FAM89A: variants seen among roughly 807,000 people sequenced by gnomAD.
The protein encoded by FAM89A is protein FAM89A.
Under a neutral mutation model 7.1 loss-of-function variants are expected in FAM89A, and 10 were observed. The observed-to-expected ratio is 1.40, with a 90% CI of 0.86 to 2.38. The LOEUF (loss-of-function observed/expected upper bound fraction) is 2.38, where lower values mean the gene tolerates loss of function less well. Among genes scored for constraint, FAM89A ranks in the 30% most tolerant of loss-of-function variants. The probability of loss-of-function intolerance (pLI) is 0.00; values close to 1 mark genes in which losing one functional copy is unlikely to be tolerated. For missense variants in FAM89A, 276 were observed against 262.8 expected (o/e 1.05, Z -0.35); for synonymous variants, 157 against 129.3 (o/e 1.21, Z -1.45).
chr1:231,026,972 C>A (rs547616020), intron 1 of FAM89A: 3 of 152,254 alleles, frequency 2.0e-5, no homozygotes, highest in African/African-American at 7.2e-5. Context: ...GGTGGGTAAA[C>A]CCAAGACTCG....
At chr1:231,036,398 CTAAAGA>C (rs1572358719) in intron 1 of FAM89A, among the ~76,000 whole-genome samples, 2 of 152,118 alleles carry the variant, frequency 1.3e-5, no homozygotes, top group East Asian at 3.9e-4. Flanking sequence ...TAAACGTGAT[CTAAAGA>C]TATTCTCTGA....
rs1679921412 is a variant in FAM89A at position 231,024,068 on chromosome 1, A to G, written c.292-3942T>C. Among the ~76,000 whole-genome samples, 3 of 152,212 alleles carry G rather than the reference A, an allele frequency of 2.0e-5. No homozygotes were observed. In the South Asian group the frequency reaches 6.2e-4, roughly 32 times the overall value. On this transcript the variant is annotated intron_variant, in intron 1 of 1. Coordinates refer to ENST00000366654, the MANE Select transcript of FAM89A (RefSeq NM_198552.3). ...CAAACTAGGGAAAGGTTGGTATGAA[A>G]AAATGTCTTTCCTTTTTTCAATGTA... is the stretch of plus-strand genomic sequence containing the variant.
chr1:231,022,192 G>C, intron 1 of FAM89A: 1 of 982,084 alleles, frequency 1.0e-6, no homozygotes, highest in Non-Finnish European at 1.7e-6. Context: ...GAAGTATTCA[G>C]AGACGCCCAG....
At chr1:231,034,564 G>A (rs891697019) in intron 1 of FAM89A, among the ~76,000 whole-genome samples, 1 of 152,148 alleles carries the variant, frequency 6.6e-6, no homozygotes, top group Admixed American at 6.5e-5. Context: ...TCTGAGGTCA[G>A]AAGTTCGAGA....
chr1:231,024,492 A>C (rs184846235), intron 1 of FAM89A, among the ~76,000 whole-genome samples: 1 of 146,736 alleles, frequency 6.8e-6, no homozygotes, highest in East Asian at 2.0e-4. Context: ...GACCATAAAA[A>C]TCAGAACTAT....
intron 1 of FAM89A, among the ~76,000 whole-genome samples, chr1:231,027,846 C>T (rs1446767062): frequency 6.6e-6 from 1 of 152,258 alleles, no homozygotes; most frequent in Non-Finnish European, 1.5e-5. Context: ...ACTCTTCAGA[C>T]TGTGATTGGT....
intron 1 of FAM89A, among the ~76,000 whole-genome samples, chr1:231,035,343 G>A (rs779532137): frequency 1.3e-5 from 2 of 152,140 alleles, no homozygotes; most frequent in Non-Finnish European, 2.9e-5. Flanking sequence ...TTCCCACTCT[G>A]CACAGGTGGG....
chr1:231,039,860 G>T (rs1238787471), intron 1 of FAM89A, 61 bp downstream of exon 1: 4 of 1,269,190 alleles, frequency 3.2e-6, no homozygotes, highest in South Asian at 2.6e-5. Context: ...CGGTCCCCGC[G>T]AACTTTCCCG....
At chr1:231,039,415 G>C (rs767886836) in intron 1 of FAM89A, among the ~76,000 whole-genome samples, 3 of 152,342 alleles carry the variant, frequency 2.0e-5, no homozygotes, top group South Asian at 2.1e-4. Flanking sequence ...ATCGGATCAC[G>C]GACGCGCGGC....
Position 231,040,001 on chromosome 1 carries a change from C to T in FAM89A, c.211G>A (p.Gly71Ser). 2.1e-6 allele frequency: 3 copies of T among 1,395,464 alleles called. No individual in the cohort carries two copies. The highest frequency in any genetic ancestry group is 2.8e-6 in the Non-Finnish European group (3 of 1,081,920). 86.4% of individuals were successfully genotyped at this position (1,395,464 alleles called of 1,614,324 possible). The stretch of plus-strand genomic sequence containing the variant: ...AGCGCTGCCGCCCGGGCCCCGCCGC[C>T]GCCCGGGCCCCCGCGGCTCAGCTCG... ...QDELSRGGPG[G>S]GGARAAALPA... The change falls in exon 1 of 2, where the codon GGC (glycine) becomes AGC (serine). Residue 71 changes from glycine (G) to serine (S), a missense_variant. Physicochemically the swap from Gly to Ser is moderately conservative, Grantham distance 56. Coordinates refer to ENST00000366654, the MANE Select transcript of FAM89A (RefSeq NM_198552.3).
intron 1 of FAM89A, 53 bp downstream of exon 1, chr1:231,039,868 C>T: frequency 1.6e-6 from 2 of 1,274,064 alleles, no homozygotes; most frequent in Non-Finnish European, 2.0e-6. Context: ...GCGAACTTTC[C>T]CGGGACGGCG....
At chr1:231,024,520 G>GCACACACACACACA (rs3220109) in intron 1 of FAM89A, among the ~76,000 whole-genome samples, 11,723 of 144,368 alleles carry the variant, frequency 0.081, 725 homozygotes, top group Admixed American at 0.23. Context: ...TACATTGCAT[G>GCACACACACACACA]CACACACACA....
chr1:231,028,645 T>A (rs768985273), intron 1 of FAM89A: 1 of 152,198 alleles, frequency 6.6e-6, no homozygotes, highest in African/African-American at 2.4e-5. Flanking sequence ...CAGGCTCATT[T>A]AAGAAAAACA....
intron 1 of FAM89A, among the ~76,000 whole-genome samples, chr1:231,035,525 C>G (rs1178719069): frequency 6.6e-6 from 1 of 152,180 alleles, no homozygotes; most frequent in African/African-American, 2.4e-5. Context: ...TCTCTACACT[C>G]TAGTGTGACT....
At chr1:231,034,772 C>CAAAAAAAAAAAAAAAAAA in intron 1 of FAM89A, among the ~76,000 whole-genome samples, 1 of 70,880 alleles carries the variant, frequency 1.4e-5, no homozygotes, top group Non-Finnish European at 2.8e-5. Context: ...AACTCTGTCT[C>CAAAAAAAAAAAAAAAAAA]AAAAAAAAAA....
chr1:231,018,977 CTCAT>C lies in FAM89A; in HGVS notation c.*882_*885del, dbSNP rs1679820928. ...GACACAGATAGTTTAGCATTTTATC[CTCAT>C]TTTTAACCTACAAAGTGTAATGTTC... is the stretch of plus-strand genomic sequence containing the variant. On this transcript the variant is annotated 3_prime_UTR_variant, in exon 2 of 2. Coordinates refer to ENST00000366654, the MANE Select transcript of FAM89A (RefSeq NM_198552.3). 1 of 152,120 alleles carries C rather than the reference CTCAT, an allele frequency of 6.6e-6. No homozygotes were observed. Among genetic ancestry groups the C allele is most frequent in the Admixed American group, 6.5e-5 (1 of 15,272 alleles). The allele number at this position is 152,120 out of a possible 1,614,324, so 9.4% of individuals were successfully genotyped here.
In FAM89A at chr1:231,040,064, G is replaced by C. The variant is rs867214222; in HGVS notation, c.148C>G (p.Leu50Val). The change falls in exon 1 of 2, where the codon CTG becomes GTG. Residue 50 changes from leucine to valine, a missense_variant. Leu to Val is a conservative substitution (Grantham distance 32). Transcript: ENST00000366654. ...GGGASGGWRH[L>V]ERLYAQKSRI... ...GACTTCTGCGCGTACAGCCGCTCCA[G>C]GTGCCGCCAGCCCCCAGACGCGCCG... 2 of 1,449,450 alleles carry C rather than the reference G, an allele frequency of 1.4e-6. No homozygotes were observed. The highest frequency in any genetic ancestry group is 1.4e-5 in the South Asian group (1 of 73,664). 89.8% of individuals were successfully genotyped at this position (1,449,450 alleles called of 1,614,324 possible).
intron 1 of FAM89A, among the ~76,000 whole-genome samples, chr1:231,029,148 T>C (rs1680025810): frequency 6.6e-6 from 1 of 152,218 alleles, no homozygotes; most frequent in Non-Finnish European, 1.5e-5. Context: ...TTTGTGTTGA[T>C]TTAAACCAAA....
At chr1:231,026,115 G>C (rs1679965212) in intron 1 of FAM89A, 1 of 153,324 alleles carries the variant, frequency 6.5e-6, no homozygotes, top group Admixed American at 6.6e-5. Context: ...CTCATTGTTA[G>C]TATTTCCATG....
Sources: allele counts gnomAD v4.1 joint callset (sites outside exome capture counted in the v4.1 genomes callset), GRCh38; gene constraint gnomAD v4.1.1; transcripts MANE v1.5; gene names NCBI Gene and HGNC (gene_info 2026-07-23, HGNC 2026-07-21).